Variants in EXOC7 observed in about 807,000 individuals in gnomAD.
EXOC7 encodes the protein exocyst complex component Exo70.
In EXOC7, 51 loss-of-function variants were observed where a neutral mutation model predicts 87.6. That is an observed-to-expected ratio of 0.58 (90% CI 0.46 to 0.73). The LOEUF (loss-of-function observed/expected upper bound fraction) is 0.73. EXOC7 is among the 30% of genes least tolerant of loss of function. EXOC7 has a pLI of 0.00. For synonymous variants in EXOC7, 327 were observed against 357.1 expected, an observed-to-expected ratio of 0.92 and a Z score of 0.95; for missense variants, 744 against 888.4, an observed-to-expected ratio of 0.84 and a Z score of 2.07.
chr17:76,098,119 CTCTGCCCTTT>C (rs769946876), intron 4 of EXOC7, 101 bp from the exon 5 acceptor site: 3 of 1,010,348 alleles, frequency 3.0e-6, no homozygotes, highest in East Asian at 4.9e-5. Flanking sequence ...AACTCAGGGC[CTCTGCCCTTT>C]TCTGCCCTGA....
intron 4 of EXOC7, among the ~76,000 whole-genome samples, chr17:76,099,778 A>C (rs2067967210): frequency 6.6e-6 from 1 of 152,234 alleles, no homozygotes; most frequent in Non-Finnish European, 1.5e-5. Flanking sequence ...TGCTCTGATG[A>C]TCTAATGACC....
chr17:76,097,904 C>A lies in EXOC7; in HGVS notation c.532G>T (p.Asp178Tyr). The part of the protein sequence containing the change: ...VLILDLISGD[D>Y]DLEAQEDVTL... ...ACGTCCTCCTGGGCCTCCAGATCAT[C>A]GTCACCACTGATCAGATCCAAGATG... Residue 178 changes from aspartate to tyrosine, a missense_variant, in exon 5 of 19, where the codon GAT (aspartate) becomes TAT (tyrosine). Coordinates refer to ENST00000589210, the MANE Select transcript of EXOC7 (RefSeq NM_001013839.4). 6.2e-7 allele frequency: 1 copy of A among 1,613,960 alleles called. No individual in the cohort carries two copies. Among genetic ancestry groups the A allele is most frequent in the Non-Finnish European group, 8.5e-7 (1 of 1,179,970 alleles).
chr17:76,095,962 C>T (rs1363016741), intron 5 of EXOC7, among the ~76,000 whole-genome samples: 8 of 152,080 alleles, frequency 5.3e-5, no homozygotes, highest in South Asian at 2.1e-4. Context: ...CAAGGAACCC[C>T]GACAGAAGAA....
At position 76,081,531 on chromosome 17, in the gene EXOC7, T is replaced by A. The variant is rs1190347763; in HGVS notation, c.*2117A>T. 1.2e-6 allele frequency: 2 copies of A among 1,612,732 alleles called. No homozygotes were observed. Among genetic ancestry groups the A allele is most frequent in the Admixed American group, 1.7e-5 (1 of 60,020 alleles). On this transcript the variant is annotated 3_prime_UTR_variant, in exon 19 of 19. Transcript: ENST00000589210. The stretch of plus-strand genomic sequence containing the variant: ...TCCCCCCCGCCGGGAAGGCCCTGAC[T>A]TTTCCCCTTCCAGCTGAGGCTGAAG...
At position 76,089,172 on chromosome 17, in the gene EXOC7, G is replaced by T. The variant is rs780150939; in HGVS notation, c.1047+3C>A. 6.2e-7 allele frequency: 1 copy of T among 1,613,026 alleles called. No homozygotes were observed. Among genetic ancestry groups the T allele is most frequent in the Non-Finnish European group, 8.5e-7 (1 of 1,179,940 alleles). On this transcript the variant is annotated splice_donor_region_variant and intron_variant, in intron 8 of 18. Coordinates refer to ENST00000589210, the MANE Select transcript of EXOC7 (RefSeq NM_001013839.4). ...CTGCAGAGCCCCCGGGGCGGGGCGG[G>T]ACCTGTATCAGGGAGTCGAAGGTCT...
At chr17:76,088,379 G>T in intron 10 of EXOC7, 85 bp downstream of exon 10, 1 of 1,365,230 alleles carries the variant, frequency 7.3e-7, no homozygotes, top group Non-Finnish European at 1.0e-6. Flanking sequence ...GCACCCTCTT[G>T]GAGGCCTGCT....
At chr17:76,087,229 C>G in intron 12 of EXOC7, 1 of 384,098 alleles carries the variant, frequency 2.6e-6, no homozygotes, top group Non-Finnish European at 4.8e-6. Flanking sequence ...CCCCTGAGCT[C>G]CAGTCCCAGG....
In EXOC7 at chr17:76,101,771, C is replaced by T. The variant is rs1278549143; in HGVS notation, c.219G>A (p.Leu73=). 1.2e-6 allele frequency: 2 copies of T among 1,614,018 alleles called. No homozygotes were observed. The highest frequency in any genetic ancestry group is 1.7e-6 in the Non-Finnish European group (2 of 1,180,038). The change falls in exon 3 of 19, where the codon CTG becomes CTA. Residue 73 remains leucine, a synonymous_variant. Transcript: ENST00000589210. ...ACAGCGTCTTCTCAACATTCTCCTG[C>T]AGCCGCTGCAGATTCTCCGTCTGCT... is the stretch of plus-strand genomic sequence containing the variant. ...VHKQTENLQR[L]QENVEKTLSC... is the part of the protein sequence containing the mutation.
At chr17:76,089,620 A>G (rs2067384040) in intron 7 of EXOC7, 2 of 449,022 alleles carry the variant, frequency 4.5e-6, no homozygotes, top group South Asian at 4.7e-5. Context: ...AGATTCCTGA[A>G]TCAGCGTCCT....
intron 8 of EXOC7, 120 bp downstream of exon 8, chr17:76,089,055 C>T (rs2067350248): frequency 6.0e-6 from 9 of 1,508,672 alleles, no homozygotes; most frequent in Admixed American, 1.7e-5. Flanking sequence ...GGTGAGCGTC[C>T]ACCCAGGACC....
At chr17:76,095,173 G>A (rs965695414) in intron 5 of EXOC7, among the ~76,000 whole-genome samples, 1 of 151,666 alleles carries the variant, frequency 6.6e-6, no homozygotes, top group East Asian at 1.9e-4. Flanking sequence ...TGTTGGCCAG[G>A]CTGGTTTTGA....
intron 4 of EXOC7, among the ~76,000 whole-genome samples, chr17:76,100,325 A>G (rs1381304299): frequency 6.6e-6 from 1 of 152,138 alleles, no homozygotes; most frequent in Non-Finnish European, 1.5e-5. Flanking sequence ...CTGTTAACTT[A>G]GAGTTAAAAT....
rs2144571967 is a variant in EXOC7, at chr17:76,082,156, C to T, written c.*1492G>A. On this transcript the variant is annotated 3_prime_UTR_variant, in exon 19 of 19. Transcript: ENST00000589210. The stretch of plus-strand genomic sequence containing the variant: ...GTAGAGGCCCCTTGCATCCACCCTG[C>T]TGGCTCTCCTGTCCCTGGTCTCCAC... The T allele has an allele frequency of 7.6e-7, 1 of 1,314,872 alleles. No homozygotes were observed. The highest frequency in any genetic ancestry group is 2.5e-5 in the East Asian group (1 of 39,422). The allele number at this position is 1,314,872 out of a possible 1,614,324, so 81.5% of individuals were successfully genotyped here.
intron 12 of EXOC7, chr17:76,086,756 C>T (rs2067230189): frequency 8.9e-7 from 1 of 1,117,492 alleles, no homozygotes; most frequent in Middle Eastern, 2.2e-4. Context: ...TCCCCTCTGA[C>T]TCAGGCTCCC....
intron 7 of EXOC7, 56 bp downstream of exon 7, chr17:76,091,087 G>A (rs2067456614): frequency 6.6e-7 from 1 of 1,504,436 alleles, no homozygotes; most frequent in East Asian, 2.3e-5. Flanking sequence ...GCCCTGCCAA[G>A]TGCGTGGACA....
In EXOC7 at chr17:76,083,601, C is replaced by CCAAT; in HGVS notation, c.*43_*46dup. On this transcript the variant is annotated 3_prime_UTR_variant, in exon 19 of 19. Transcript: ENST00000589210. ...GGCAAGCTAACACTGGTTTATCTGT[C>CCAAT]CAATGACACGCCAGTCTGGTGGAAC... 1 of 1,585,382 alleles carries CCAAT rather than the reference C, an allele frequency of 6.3e-7. No individual in the cohort carries two copies.
chr17:76,087,470 C>T, intron 12 of EXOC7, 184 bp downstream of exon 12: 2 of 612,064 alleles, frequency 3.3e-6, no homozygotes, highest in Non-Finnish European at 2.9e-6. Flanking sequence ...GGTCCAGTGT[C>T]TGGTCTTGAA....
In EXOC7 at chr17:76,082,449, A is replaced by C. The variant is rs758626371; in HGVS notation, c.*1199T>G. 6.3e-7 allele frequency: 1 copy of C among 1,589,794 alleles called. No individual in the cohort carries two copies. Among genetic ancestry groups the C allele is most frequent in the East Asian group, 2.2e-5 (1 of 44,446 alleles). ...CTTGAAGAACAGCTCCTTTCCCTGT[A>C]TCTCTCCCCACAGAGCCCTCCAGAG... On this transcript the variant is annotated 3_prime_UTR_variant, in exon 19 of 19. Transcript: ENST00000589210.
At chr17:76,101,983 G>T in intron 2 of EXOC7, 120 bp from the exon 3 acceptor site, 2 of 743,956 alleles carry the variant, frequency 2.7e-6, no homozygotes, top group Admixed American at 2.9e-5. Flanking sequence ...CTCCACAAGC[G>T]AAGGAACAGG....
Sources: gnomAD v4.1 joint callset for allele counts (sites outside exome capture counted in the v4.1 genomes callset) on GRCh38, gnomAD v4.1.1 for gene constraint, MANE v1.5 for transcripts, NCBI Gene and HGNC (gene_info 2026-07-23, HGNC 2026-07-21) for gene names.